CAST: variants seen among roughly 807,000 people sequenced by gnomAD.
CAST encodes calpastatin.
In CAST, 76 loss-of-function variants were observed where a neutral mutation model predicts 119.6. The ratio of observed to expected loss-of-function variants is 0.64; its 90% CI spans 0.53 to 0.77. CAST has a LOEUF of 0.77. Ranked by LOEUF, CAST falls within the 30% of genes least tolerant of loss-of-function variation. CAST has a pLI of 0.00. For missense variants in CAST, 953 were observed against 946.5 expected, an observed-to-expected ratio of 1.01 and a Z score of -0.09; for synonymous variants, 319 against 331.6, an observed-to-expected ratio of 0.96 and a Z score of 0.41.
intron 1 of CAST, among the ~76,000 whole-genome samples, chr5:96,626,806 C>T (rs376265087): frequency 1.7e-4 from 26 of 152,304 alleles, no homozygotes; most frequent in African/African-American, 4.1e-4. Flanking sequence ...GTCCTTCCAT[C>T]GCCGAGGCCT....
At chr5:96,295,127 T>G in the CAST span, among the ~76,000 whole-genome samples, 1 of 152,164 alleles carries the variant, frequency 6.6e-6, no homozygotes, top group Non-Finnish European at 1.5e-5. Flanking sequence ...AATAAGAAAC[T>G]CAAATGCATA....
upstream of CAST, among the ~76,000 whole-genome samples, chr5:96,523,018 T>C (rs915577732): frequency 6.6e-6 from 1 of 152,250 alleles, no homozygotes. Context: ...TGGCCCCTCC[T>C]CACCTCCGCA....
At chr5:96,736,738 C>T (rs1357961166) in intron 10 of CAST, among the ~76,000 whole-genome samples, 2 of 151,980 alleles carry the variant, frequency 1.3e-5, no homozygotes, top group East Asian at 3.9e-4. Flanking sequence ...AAGGTCCTTT[C>T]CTAGATTGTT....
At chr5:96,536,374 A>G (rs1745815193) in intron 1 of CAST, among the ~76,000 whole-genome samples, 1 of 152,176 alleles carries the variant, frequency 6.6e-6, no homozygotes, top group Admixed American at 6.5e-5. Context: ...AGAAAATAAA[A>G]GGAGGAGGAC....
the CAST span, among the ~76,000 whole-genome samples, chr5:96,170,044 G>A: frequency 6.6e-6 from 1 of 152,144 alleles, no homozygotes; most frequent in Non-Finnish European, 1.5e-5. Context: ...GGTAGCCTCT[G>A]TATTGATTAA....
chr5:96,710,303 G>T (rs1432341234), intron 3 of CAST, among the ~76,000 whole-genome samples: 1 of 152,142 alleles, frequency 6.6e-6, no homozygotes, highest in Non-Finnish European at 1.5e-5. Flanking sequence ...CTAATGTACA[G>T]CAATAGACGG....
At chr5:96,492,464 C>A in the CAST span, among the ~76,000 whole-genome samples, 2 of 152,144 alleles carry the variant, frequency 1.3e-5, no homozygotes, top group Non-Finnish European at 2.9e-5. Context: ...CTCATATCAG[C>A]TACTGGGGTC....
chr5:96,649,184 CTT>C (rs929256466), intron 1 of CAST, among the ~76,000 whole-genome samples: 1 of 152,118 alleles, frequency 6.6e-6, no homozygotes, highest in Admixed American at 6.5e-5. Flanking sequence ...AAGATTCAGT[CTT>C]TTGCTGTTAG....
At chr5:96,301,055 G>A in the CAST span, among the ~76,000 whole-genome samples, 2 of 152,152 alleles carry the variant, frequency 1.3e-5, no homozygotes, top group African/African-American at 4.8e-5. Context: ...AAGAAAAGCA[G>A]TTTAATTGGC....
the CAST span, among the ~76,000 whole-genome samples, chr5:96,333,158 G>A: frequency 9.9e-5 from 15 of 151,742 alleles, no homozygotes; most frequent in Admixed American, 2.6e-4. Context: ...GGTGTGAAGC[G>A]GTGACCCAGT....
At chr5:96,237,322 C>T in the CAST span, among the ~76,000 whole-genome samples, 1 of 152,126 alleles carries the variant, frequency 6.6e-6, no homozygotes, top group Non-Finnish European at 1.5e-5. Context: ...TGATTTGTCT[C>T]TGCTAGAATT....
the CAST span, among the ~76,000 whole-genome samples, chr5:96,458,011 C>CCCT: frequency 6.6e-6 from 1 of 152,136 alleles, no homozygotes; most frequent in African/African-American, 2.4e-5. Flanking sequence ...AGTCTTGCTG[C>CCCT]TGTCTGACTT....
the CAST span, among the ~76,000 whole-genome samples, chr5:96,068,986 C>T: frequency 3.6e-4 from 53 of 148,364 alleles, no homozygotes; most frequent in African/African-American, 1.1e-3. Context: ...TGTGTATATA[C>T]GGATGTATAT....
the CAST span, among the ~76,000 whole-genome samples, chr5:96,447,831 T>C: frequency 6.6e-6 from 1 of 152,102 alleles, no homozygotes; most frequent in African/African-American, 2.4e-5. Context: ...TCAGTGACAT[T>C]CTAATTAAAT....
At chr5:96,663,569 C>A (rs1191555520) in intron 1 of CAST, among the ~76,000 whole-genome samples, 1 of 152,140 alleles carries the variant, frequency 6.6e-6, no homozygotes, top group Non-Finnish European at 1.5e-5. Context: ...AAGTAAAGTT[C>A]AAAACTTTTA....
chr5:96,421,237 A>G, the CAST span, among the ~76,000 whole-genome samples: 1 of 152,184 alleles, frequency 6.6e-6, no homozygotes, highest in Non-Finnish European at 1.5e-5. Context: ...CTCTCTCACC[A>G]TAATGTGGCT....
the CAST span, among the ~76,000 whole-genome samples, chr5:96,350,010 T>G: frequency 6.6e-6 from 1 of 152,320 alleles, no homozygotes; most frequent in East Asian, 1.9e-4. Context: ...CTAAATTGCT[T>G]GATTTGTCAA....
At chr5:96,492,293 A>G in the CAST span, among the ~76,000 whole-genome samples, 2 of 152,246 alleles carry the variant, frequency 1.3e-5, no homozygotes, top group Non-Finnish European at 2.9e-5. Context: ...ATAAAAAATT[A>G]AGAGATCCGT....
intron 2 of CAST, among the ~76,000 whole-genome samples, chr5:96,690,334 C>G (rs150902001): frequency 2.0e-5 from 3 of 152,018 alleles, no homozygotes; most frequent in Non-Finnish European, 4.4e-5. Context: ...CAGGTTCAGG[C>G]GATTCTCCTA....
Sources: allele counts gnomAD v4.1 joint callset (sites outside exome capture counted in the v4.1 genomes callset), GRCh38; gene constraint gnomAD v4.1.1; transcripts MANE v1.5; gene names NCBI Gene and HGNC (gene_info 2026-07-23, HGNC 2026-07-21).